Variants in ZBTB7C observed in about 807,000 individuals in gnomAD.
ZBTB7C encodes zinc finger and BTB domain containing 7C, also known as zinc finger and BTB domain-containing protein 7C.
Under a neutral mutation model 25.7 loss-of-function variants are expected in ZBTB7C, and 8 were observed. The observed-to-expected ratio is 0.31, with a 90% CI of 0.18 to 0.56. The LOEUF is 0.56. ZBTB7C is among the 20% of genes least tolerant of loss of function. The pLI, the probability that ZBTB7C is intolerant of heterozygous loss-of-function variation, is 0.91. For missense variants in ZBTB7C, 824 were observed against 855.2 expected (o/e 0.96, Z 0.46); for synonymous variants, 394 against 369.0 (o/e 1.07, Z -0.78).
At chr18:48,218,486 G>T (rs775732755) in intron 2 of ZBTB7C, among the ~76,000 whole-genome samples, 1 of 152,226 alleles carries the variant, frequency 6.6e-6, no homozygotes, top group Non-Finnish European at 1.5e-5. Flanking sequence ...GCGTGCACAC[G>T]CATGGGACAG....
intron 3 of ZBTB7C, among the ~76,000 whole-genome samples, chr18:48,130,322 T>C (rs953747665): frequency 2.6e-5 from 4 of 152,108 alleles, no homozygotes; most frequent in Non-Finnish European, 5.9e-5. Context: ...GAAATAATAA[T>C]AGAAGAAGAG....
intron 2 of ZBTB7C, among the ~76,000 whole-genome samples, chr18:48,335,720 G>A (rs998987570): frequency 1.3e-5 from 2 of 152,066 alleles, no homozygotes; most frequent in East Asian, 3.9e-4. Flanking sequence ...AAACTGAGAC[G>A]GTGCTACAAG....
intron 1 of ZBTB7C, among the ~76,000 whole-genome samples, chr18:48,344,503 G>A (rs549538579): frequency 3.5e-4 from 53 of 152,222 alleles, no homozygotes; most frequent in African/African-American, 1.2e-3. Flanking sequence ...TATGGTGAGG[G>A]GAAGGGGAAA....
intron 2 of ZBTB7C, among the ~76,000 whole-genome samples, chr18:48,244,176 G>A (rs2043611466): frequency 6.6e-6 from 1 of 152,264 alleles, no homozygotes; most frequent in East Asian, 1.9e-4. Flanking sequence ...TAAATAGAAG[G>A]AGGCCAAGGT....
At chr18:48,340,634 C>A (rs181918500) in intron 1 of ZBTB7C, among the ~76,000 whole-genome samples, 89 of 150,814 alleles carry the variant, frequency 5.9e-4, no homozygotes, top group African/African-American at 2.2e-3. Context: ...ACAGCTACAG[C>A]ACATTCATTT....
At chr18:48,355,007 T>G (rs1177776096) in intron 1 of ZBTB7C, among the ~76,000 whole-genome samples, 1 of 152,180 alleles carries the variant, frequency 6.6e-6, no homozygotes, top group Non-Finnish European at 1.5e-5. Flanking sequence ...TACATGGTGG[T>G]ACTCCACCTC....
intron 3 of ZBTB7C, among the ~76,000 whole-genome samples, chr18:48,136,105 T>C (rs1402656826): frequency 6.6e-6 from 1 of 152,008 alleles, no homozygotes; most frequent in East Asian, 1.9e-4. Context: ...GCGTGGGTGC[T>C]GGGTTAGGGG....
At chr18:48,333,107 A>G (rs188727147) in intron 2 of ZBTB7C, among the ~76,000 whole-genome samples, 10 of 152,238 alleles carry the variant, frequency 6.6e-5, no homozygotes, top group Non-Finnish European at 1.5e-4. Flanking sequence ...AATTAAGGAG[A>G]TGGAAAATAC....
intron 2 of ZBTB7C, among the ~76,000 whole-genome samples, chr18:48,284,128 C>T (rs370889407): frequency 2.6e-4 from 40 of 151,906 alleles, no homozygotes; most frequent in African/African-American, 9.4e-4. Context: ...GCCTGGGCAA[C>T]AAAGAGAGAC....
intron 1 of ZBTB7C, among the ~76,000 whole-genome samples, chr18:48,355,082 G>C (rs1308987359): frequency 2.0e-5 from 3 of 152,202 alleles, no homozygotes; most frequent in Non-Finnish European, 4.4e-5. Context: ...CTGGAGAAGA[G>C]AGCCATGCCA....
At chr18:48,330,202 C>G (rs528019021) in intron 2 of ZBTB7C, among the ~76,000 whole-genome samples, 29 of 152,330 alleles carry the variant, frequency 1.9e-4, no homozygotes, top group African/African-American at 6.7e-4. Context: ...CATGCCCCAG[C>G]ATGTCTTTAA....
chr18:48,390,474 T>C (rs1451042723), intron 1 of ZBTB7C, among the ~76,000 whole-genome samples: 1 of 151,984 alleles, frequency 6.6e-6, no homozygotes, highest in Admixed American at 6.5e-5. Flanking sequence ...ATATCAAAGG[T>C]ATAAATAAAA....
chr18:48,271,818 T>C (rs1361393078), intron 2 of ZBTB7C, among the ~76,000 whole-genome samples: 2 of 152,098 alleles, frequency 1.3e-5, no homozygotes, highest in Non-Finnish European at 1.5e-5. Context: ...AAAATAACTT[T>C]AATTTGATGA....
intron 3 of ZBTB7C, among the ~76,000 whole-genome samples, chr18:48,132,560 A>G (rs1226815989): frequency 1.3e-5 from 2 of 152,250 alleles, no homozygotes; most frequent in African/African-American, 4.8e-5. Flanking sequence ...TGGGTGGATT[A>G]TATGCTATGT....
At chr18:48,200,271 C>A (rs9947839) in intron 2 of ZBTB7C, among the ~76,000 whole-genome samples, 1 of 152,130 alleles carries the variant, frequency 6.6e-6, no homozygotes, top group African/African-American at 2.4e-5. Context: ...GGTCGTGCCC[C>A]TTTCAGGTTC....
intron 2 of ZBTB7C, among the ~76,000 whole-genome samples, chr18:48,277,389 T>A (rs2044694898): frequency 6.6e-6 from 1 of 151,342 alleles, no homozygotes; most frequent in South Asian, 2.1e-4. Flanking sequence ...AAAAAACACA[T>A]GAAAAAATGC....
chr18:48,400,631 T>C (rs1365572420), intron 1 of ZBTB7C, among the ~76,000 whole-genome samples: 2 of 152,218 alleles, frequency 1.3e-5, no homozygotes, highest in Non-Finnish European at 2.9e-5. Flanking sequence ...GTTCACTGCA[T>C]TGTCTGGTAG....
chr18:48,243,479 A>G (rs1412595909), intron 2 of ZBTB7C, among the ~76,000 whole-genome samples: 1 of 152,100 alleles, frequency 6.6e-6, no homozygotes, highest in Non-Finnish European at 1.5e-5. Context: ...GAGATGAAAG[A>G]CCTCTACAAG....
intron 2 of ZBTB7C, among the ~76,000 whole-genome samples, chr18:48,334,974 G>A (rs917006426): frequency 6.6e-6 from 1 of 152,164 alleles, no homozygotes; most frequent in Non-Finnish European, 1.5e-5. Flanking sequence ...TAGAGATGGT[G>A]GCCTGGGCAC....
Sources: allele counts gnomAD v4.1 joint callset (sites outside exome capture counted in the v4.1 genomes callset), GRCh38; gene constraint gnomAD v4.1.1; transcripts MANE v1.5; gene names NCBI Gene and HGNC (gene_info 2026-07-23, HGNC 2026-07-21).